The following IL12RB1 variants were observed in gnomAD, a reference collection of about 807,000 sequenced individuals.
IL12RB1 encodes the protein interleukin-12 receptor subunit beta-1.
Under a neutral mutation model 94.4 loss-of-function variants are expected in IL12RB1, and 64 were observed. The ratio of observed to expected loss-of-function variants is 0.68; its 90% CI spans 0.55 to 0.83. IL12RB1 has a LOEUF of 0.83. IL12RB1 is among the 40% of genes least tolerant of loss of function. The pLI is 0.00. For missense variants in IL12RB1, 814 were observed against 855.6 expected (o/e 0.95, Z 0.61); for synonymous variants, 362 against 355.5 (o/e 1.02, Z -0.21).
At chr19:18,075,650 G>A in intron 7 of IL12RB1, 99 bp downstream of exon 7, 1 of 1,085,694 alleles carries the variant, frequency 9.2e-7, no homozygotes, top group Non-Finnish European at 1.4e-6. Context: ...TCCCGCCTCA[G>A]CCTTCTGAGC....
intron 13 of IL12RB1, among the ~76,000 whole-genome samples, 171 bp downstream of exon 13, chr19:18,063,705 G>A (rs2034343740): frequency 6.6e-6 from 1 of 152,244 alleles, no homozygotes; most frequent in South Asian, 2.1e-4. Flanking sequence ...TGGAGTGTGA[G>A]AGGAAGCTGC....
intron 12 of IL12RB1, 21 bp downstream of exon 12, chr19:18,066,521 G>A (rs1300981914): frequency 3.1e-6 from 5 of 1,589,536 alleles, no homozygotes; most frequent in Non-Finnish European, 4.3e-6. Context: ...CCCCAAGCCA[G>A]GTCTGCACTG....
chr19:18,078,989 C>T (rs995921122), intron 4 of IL12RB1, among the ~76,000 whole-genome samples: 35 of 151,932 alleles, frequency 2.3e-4, no homozygotes, highest in Non-Finnish European at 4.1e-4. Context: ...TCATTTGAGC[C>T]CAGGAGTTCA....
At position 18,082,186 on chromosome 19, in the gene IL12RB1, C is replaced by A. The variant is rs749368055; in HGVS notation, c.203G>T (p.Gly68Val). The change falls in exon 3 of 17, where the codon GGT (glycine) becomes GTT (valine). Residue 68 changes from glycine (G) to valine (V), a missense_variant. Physicochemically the swap from Gly to Val is moderately radical, Grantham distance 109 (BLOSUM62 -3). Coordinates refer to ENST00000593993, the MANE Select transcript of IL12RB1 (RefSeq NM_005535.3). ...GAAGTGGCTGACCCCAGCTGTGGGA[C>A]CCTCATACTGCCAGGAGCACTCGTA... is the stretch of plus-strand genomic sequence containing the variant. ...DRYECSWQYE[G>V]PTAGVSHFLR... is the part of the protein sequence containing the mutation. 8 of 1,613,472 alleles carry A rather than the reference C, an allele frequency of 5.0e-6. No homozygotes were observed. The highest frequency in any genetic ancestry group is 5.9e-6 in the Non-Finnish European group (7 of 1,179,650).
upstream of IL12RB1, among the ~76,000 whole-genome samples, chr19:18,088,161 G>A (rs1376925514): frequency 2.0e-5 from 3 of 152,112 alleles, no homozygotes; most frequent in Admixed American, 6.5e-5. Context: ...GCCAAGGCAG[G>A]TGGATCACGA....
intron 8 of IL12RB1, among the ~76,000 whole-genome samples, chr19:18,072,563 G>A (rs2035143749): frequency 6.6e-6 from 1 of 152,104 alleles, no homozygotes; most frequent in African/African-American, 2.4e-5. Context: ...AGGGAGGTGG[G>A]AAATTGACAA....
At chr19:18,085,712 C>T (rs146560359) in intron 1 of IL12RB1, among the ~76,000 whole-genome samples, 12 of 152,126 alleles carry the variant, frequency 7.9e-5, no homozygotes, top group African/African-American at 2.4e-4. Context: ...TGGGTTCAAG[C>T]GATCCTCCCA....
intron 1 of IL12RB1, among the ~76,000 whole-genome samples, chr19:18,095,335 A>T (rs1599605474): frequency 6.6e-6 from 1 of 152,180 alleles, no homozygotes; most frequent in East Asian, 1.9e-4. Context: ...ATACAATGGA[A>T]TATTATTTGG....
At chr19:18,098,079 G>A (rs2037150507) in intron 1 of IL12RB1, among the ~76,000 whole-genome samples, 1 of 152,194 alleles carries the variant, frequency 6.6e-6, no homozygotes, top group African/African-American at 2.4e-5. Context: ...GGGAGGAAGA[G>A]GCTGAGGGCT....
intron 1 of IL12RB1, among the ~76,000 whole-genome samples, chr19:18,096,744 G>A (rs1455332749): frequency 2.0e-5 from 3 of 151,596 alleles, no homozygotes; most frequent in Admixed American, 6.6e-5. Flanking sequence ...GCTGAGGCAT[G>A]AGAATAGCTT....
chr19:18,081,335 A>G (rs975775484), intron 3 of IL12RB1, among the ~76,000 whole-genome samples: 1 of 151,048 alleles, frequency 6.6e-6, no homozygotes, highest in Non-Finnish European at 1.5e-5. Flanking sequence ...GCCTCAAGTG[A>G]TCCGCCCACC....
At chr19:18,060,206 C>T (rs1045723705) in intron 15 of IL12RB1, 121 bp from the exon 16 acceptor site, 3 of 625,796 alleles carry the variant, frequency 4.8e-6, no homozygotes, top group Non-Finnish European at 8.6e-6. Context: ...TGGACGGGTG[C>T]AGTGGCTCAC....
At chr19:18,086,224 GTAAATAAATAAATAAATAAATAAA>G (rs71833814) in intron 1 of IL12RB1, among the ~76,000 whole-genome samples, 4 of 140,726 alleles carry the variant, frequency 2.8e-5, no homozygotes, top group Non-Finnish European at 4.6e-5. Flanking sequence ...CCCTACCTCA[GTAAATAAATAAATAAATAAATAAA>G]TAAATAAATA....
chr19:18,066,465 A>G, intron 12 of IL12RB1, 77 bp downstream of exon 12: 1 of 1,051,622 alleles, frequency 9.5e-7, no homozygotes, highest in African/African-American at 1.6e-5. Context: ...CAAGGTGCCC[A>G]GGGTCACACA....
At chr19:18,089,624 CA>C (rs751947388), upstream of IL12RB1, among the ~76,000 whole-genome samples, 1,022 of 113,346 alleles carry the variant, frequency 9.0e-3, 8 homozygotes, top group Middle Eastern at 0.021. Flanking sequence ...GACTATGTCT[CA>C]AAAAAAAAAA....
In IL12RB1 at chr19:18,082,886, C is replaced by T. The variant is rs181744418; in HGVS notation, c.124+546G>A. Among the ~76,000 whole-genome samples, 27 of 152,144 alleles carry T rather than the reference C, an allele frequency of 1.8e-4. No homozygotes were observed. The East Asian group carries it at 5.0e-3, about 28-fold the overall frequency. On this transcript the variant is annotated intron_variant, in intron 2 of 16. Transcript: ENST00000593993. The stretch of plus-strand genomic sequence containing the variant: ...TCACCTGAGCTCAGGAGTTCAAGAC[C>T]AGCCTGGGCGACATGGTGAAACCTG...
chr19:18,074,887 TA>T (rs766761325), intron 7 of IL12RB1, among the ~76,000 whole-genome samples: 1 of 151,390 alleles, frequency 6.6e-6, no homozygotes, highest in East Asian at 2.0e-4. Flanking sequence ...CCGTCTCTAC[TA>T]AAAAATACAA....
intron 9 of IL12RB1, 126 bp downstream of exon 9, chr19:18,071,986 C>G (rs985411791): frequency 1.4e-6 from 1 of 716,432 alleles, no homozygotes; most frequent in Non-Finnish European, 2.5e-6. Context: ...TTTTGATACA[C>G]CCCTAAATCA....
chr19:18,095,085 A>G (rs1249247210), intron 1 of IL12RB1, among the ~76,000 whole-genome samples: 2 of 152,058 alleles, frequency 1.3e-5, no homozygotes, highest in African/African-American at 4.8e-5. Context: ...AGGCTGAGGC[A>G]GGAGAATCAA....
Sources: gnomAD v4.1 joint callset for allele counts (sites outside exome capture counted in the v4.1 genomes callset) on GRCh38, gnomAD v4.1.1 for gene constraint, MANE v1.5 for transcripts, NCBI Gene and HGNC (gene_info 2026-07-23, HGNC 2026-07-21) for gene names.